LMO7: variants seen among roughly 807,000 people sequenced by gnomAD.
LMO7 encodes LIM domain 7, also known as LIM domain only protein 7.
LMO7 carries 120 observed loss-of-function variants against 206.5 expected under a neutral mutation model. The observed-to-expected ratio is 0.58, with a 90% confidence interval of 0.50 to 0.68. The LOEUF is 0.68. Among genes scored for constraint, LMO7 ranks in the 30% least tolerant of loss-of-function variants. The pLI, the probability that LMO7 is intolerant of heterozygous loss-of-function variation, is 0.00. For missense variants in LMO7, 1,959 were observed against 1,957.9 expected (o/e 1.00, Z -0.01); for synonymous variants, 706 against 681.5 (o/e 1.04, Z -0.56).
At chr13:75,621,075 G>A (rs1385329563) in exon 1 of LMO7, 2 of 152,152 alleles carry the variant, frequency 1.3e-5, no homozygotes, top group Non-Finnish European at 2.9e-5. Flanking sequence ...ATATTCTCAT[G>A]TACATTTTAC....
At chr13:75,819,757 A>C (rs1269886007) in intron 13 of LMO7, among the ~76,000 whole-genome samples, 1 of 152,210 alleles carries the variant, frequency 6.6e-6, no homozygotes, top group Non-Finnish European at 1.5e-5. Context: ...GACTTAAAAT[A>C]GGTGTTCATT....
rs562323154 is a variant in LMO7 at position 75,624,687 on chromosome 13, G to A, written c.225+1367G>A. Reference sequence around the variant, plus strand: ...GTGTCTCACATGGCATCAGACAAGAGAAGAGAGCTTGTGCAGGAAACTCCC... The same window carrying A: ...GTGTCTCACATGGCATCAGACAAGAAAAGAGAGCTTGTGCAGGAAACTCCC... On this transcript the variant is annotated intron_variant, in intron 2 of 29. Transcript: ENST00000341547. Among the ~76,000 whole-genome samples the A allele has an allele frequency of 7.2e-5, 11 of 152,340 alleles. No individual in the cohort carries two copies. The East Asian group carries it at 2.1e-3, about 29-fold the overall frequency.
At chr13:75,697,017 A>AACAAC (rs765736380) in intron 1 of LMO7, among the ~76,000 whole-genome samples, 2 of 152,140 alleles carry the variant, frequency 1.3e-5, no homozygotes, top group Non-Finnish European at 1.5e-5. Flanking sequence ...TTATGGGCCA[A>AACAAC]ACAACACATG....
intron 1 of LMO7, among the ~76,000 whole-genome samples, chr13:75,637,061 A>G (rs758136797): frequency 3.3e-5 from 5 of 152,156 alleles, no homozygotes; most frequent in African/African-American, 4.8e-5. Context: ...TCTGCGGGGC[A>G]CAGCCCAGAG....
intron 1 of LMO7, among the ~76,000 whole-genome samples, chr13:75,669,644 T>A (rs2039379727): frequency 6.6e-6 from 1 of 152,192 alleles, no homozygotes; most frequent in Admixed American, 6.5e-5. Context: ...TACTATACCC[T>A]TTGTGCTTAT....
chr13:75,836,481 C>A (rs777349462), intron 19 of LMO7, 24 bp downstream of exon 19: 5 of 1,188,178 alleles, frequency 4.2e-6, no homozygotes, highest in Non-Finnish European at 6.0e-6. Flanking sequence ...TTATAACTTA[C>A]ATTTATAATA....
In LMO7 at chr13:75,835,246, A is replaced by G. The variant is rs771482729; in HGVS notation, c.3240A>G (p.Thr1080=). The change falls in exon 18 of 31, where the codon ACA becomes ACG. Residue 1080 remains threonine (T), a synonymous_variant. Coordinates refer to ENST00000377534, the MANE Select transcript of LMO7 (RefSeq NM_001306080.2). ...CCAAAATTATAGGTTCACCTGAAACAAAGTGGATTGATGCAACTTCTGGAA... is the reference window on the plus strand; with the variant it reads ...CCAAAATTATAGGTTCACCTGAAACGAAGTGGATTGATGCAACTTCTGGAA... The part of the protein sequence containing the change: ...RRYGKAGSPE[T]KWIDATSGIY... The G allele has an allele frequency of 1.2e-6, 2 of 1,612,374 alleles. No homozygotes were observed. Among genetic ancestry groups the G allele is most frequent in the Non-Finnish European group, 1.7e-6 (2 of 1,178,970 alleles).
intron 11 of LMO7, among the ~76,000 whole-genome samples, chr13:75,809,774 T>C (rs2141116832): frequency 6.6e-6 from 1 of 152,138 alleles, no homozygotes; most frequent in East Asian, 1.9e-4. Flanking sequence ...AAAATAGACC[T>C]TCAAAAACTG....
upstream of LMO7, among the ~76,000 whole-genome samples, chr13:75,634,337 CTG>C (rs1163889435): frequency 6.6e-6 from 1 of 151,954 alleles, no homozygotes; most frequent in Non-Finnish European, 1.5e-5. Context: ...ACTTGGGAGT[CTG>C]AGGCAAGAGG....
At chr13:75,771,041 T>A (rs192492092) in intron 4 of LMO7, among the ~76,000 whole-genome samples, 29 of 152,252 alleles carry the variant, frequency 1.9e-4, no homozygotes, top group African/African-American at 7.0e-4. Flanking sequence ...AGTTGCTTTT[T>A]AACCAGGCCA....
chr13:75,777,381 A>G (rs1325915721), intron 4 of LMO7, among the ~76,000 whole-genome samples: 1 of 152,218 alleles, frequency 6.6e-6, no homozygotes, highest in Non-Finnish European at 1.5e-5. Flanking sequence ...AAGAAAGTTT[A>G]CCAATGGCAA....
At chr13:75,813,857 G>A (rs1438079748) in intron 11 of LMO7, among the ~76,000 whole-genome samples, 1 of 152,178 alleles carries the variant, frequency 6.6e-6, no homozygotes, top group Non-Finnish European at 1.5e-5. Context: ...TAAAATATTA[G>A]CATCCTTTTT....
intron 12 of LMO7, among the ~76,000 whole-genome samples, chr13:75,818,610 G>A (rs888876083): frequency 3.9e-5 from 6 of 152,182 alleles, no homozygotes; most frequent in African/African-American, 9.7e-5. Flanking sequence ...TAGGCTTAAC[G>A]TTCCTGGGGA....
At chr13:75,785,295 G>A (rs1338154524) in intron 4 of LMO7, among the ~76,000 whole-genome samples, 1 of 152,052 alleles carries the variant, frequency 6.6e-6, no homozygotes, top group Non-Finnish European at 1.5e-5. Context: ...CAGGGTCTTG[G>A]GAAAGCCTAT....
chr13:75,692,993 TCTG>T (rs1394687326), intron 1 of LMO7, among the ~76,000 whole-genome samples: 7 of 152,160 alleles, frequency 4.6e-5, no homozygotes, highest in African/African-American at 1.7e-4. Flanking sequence ...TGAAAAGGAG[TCTG>T]CTATTTTGAG....
intron 1 of LMO7, among the ~76,000 whole-genome samples, chr13:75,684,223 A>G (rs1017055182): frequency 2.0e-5 from 3 of 152,012 alleles, no homozygotes; most frequent in Admixed American, 6.6e-5. Context: ...TTGTATCCCA[A>G]CTTTGTCACC....
chr13:75,745,539 C>A (rs998027726), intron 3 of LMO7, among the ~76,000 whole-genome samples: 1 of 152,086 alleles, frequency 6.6e-6, no homozygotes, highest in East Asian at 1.9e-4. Flanking sequence ...GATGGTTAAT[C>A]GTATGTGTCA....
intron 1 of LMO7, among the ~76,000 whole-genome samples, chr13:75,699,891 C>T (rs925199246): frequency 8.5e-5 from 13 of 152,156 alleles, no homozygotes; most frequent in South Asian, 2.1e-4. Context: ...GAGACCAGGG[C>T]GTATTTTATC....
chr13:75,638,293 G>T (rs978511105), intron 1 of LMO7, among the ~76,000 whole-genome samples: 1 of 152,024 alleles, frequency 6.6e-6, no homozygotes, highest in Non-Finnish European at 1.5e-5. Context: ...GCACATTTTG[G>T]AAAACGATGA....
Sources: allele counts gnomAD v4.1 joint callset (sites outside exome capture counted in the v4.1 genomes callset), GRCh38; gene constraint gnomAD v4.1.1; transcripts MANE v1.5; gene names NCBI Gene and HGNC (gene_info 2026-07-23, HGNC 2026-07-21).